PTPRK: variants seen among roughly 807,000 people sequenced by gnomAD.
PTPRK encodes protein tyrosine phosphatase receptor type K, also known as receptor-type tyrosine-protein phosphatase kappa.
PTPRK carries 75 observed loss-of-function variants against 178.0 expected under a neutral mutation model. That is an observed-to-expected ratio of 0.42 (90% confidence interval 0.35 to 0.51). PTPRK has a LOEUF of 0.51. Ranked by LOEUF, PTPRK falls within the 20% of genes least tolerant of loss-of-function variation. The pLI, the probability that PTPRK is intolerant of heterozygous loss-of-function variation, is 0.02. For missense variants in PTPRK, 1,441 were observed against 1,797.8 expected, an observed-to-expected ratio of 0.80 and a Z score of 3.59; for synonymous variants, 637 against 620.6, an observed-to-expected ratio of 1.03 and a Z score of -0.39.
At chr6:128,285,698 G>C (rs1822384880) in intron 3 of PTPRK, among the ~76,000 whole-genome samples, 1 of 151,740 alleles carries the variant, frequency 6.6e-6, no homozygotes, top group Non-Finnish European at 1.5e-5. Flanking sequence ...CCAGCTGCTT[G>C]GGAGGCTGAG....
chr6:128,284,291 C>T (rs947186472), intron 3 of PTPRK, among the ~76,000 whole-genome samples: 13 of 152,202 alleles, frequency 8.5e-5, no homozygotes, highest in Non-Finnish European at 1.8e-4. Flanking sequence ...GCCTTTCATC[C>T]TGGTCATCTT....
chr6:128,415,540 C>G (rs1220378365), intron 1 of PTPRK, among the ~76,000 whole-genome samples: 1 of 151,564 alleles, frequency 6.6e-6, no homozygotes, highest in African/African-American at 2.4e-5. Flanking sequence ...CAAATCACTT[C>G]CACAAAGCCC....
chr6:128,277,221 G>A (rs530200392), intron 3 of PTPRK, among the ~76,000 whole-genome samples: 1 of 152,192 alleles, frequency 6.6e-6, no homozygotes, highest in African/African-American at 2.4e-5. Flanking sequence ...TTGGAGCTAA[G>A]CTTATAAAAA....
chr6:127,986,366 G>A (rs1477743480), intron 21 of PTPRK, among the ~76,000 whole-genome samples: 1 of 152,132 alleles, frequency 6.6e-6, no homozygotes, highest in African/African-American at 2.4e-5. Context: ...CCAGGACAGT[G>A]CTGCTCTAGA....
intron 7 of PTPRK, among the ~76,000 whole-genome samples, chr6:128,133,717 CTTT>C (rs76203097): frequency 7.0e-6 from 1 of 142,926 alleles, no homozygotes. Context: ...TAAAGAAAGG[CTTT>C]TTTTTTTTTT....
At chr6:128,439,938 T>G (rs926126771) in intron 1 of PTPRK, among the ~76,000 whole-genome samples, 1 of 152,234 alleles carries the variant, frequency 6.6e-6, no homozygotes, top group African/African-American at 2.4e-5. Context: ...TTCTTTGAGT[T>G]AGCTGCCTGT....
At chr6:128,168,801 C>A (rs1799789719) in intron 7 of PTPRK, among the ~76,000 whole-genome samples, 1 of 152,044 alleles carries the variant, frequency 6.6e-6, no homozygotes, top group African/African-American at 2.4e-5. Context: ...CGCTGCACTA[C>A]AGCATTATTC....
intron 7 of PTPRK, among the ~76,000 whole-genome samples, chr6:128,175,769 TA>T (rs1332831512): frequency 6.6e-6 from 1 of 151,794 alleles, no homozygotes; most frequent in South Asian, 2.1e-4. Context: ...ATACATAATT[TA>T]AAAAAATAAT....
Position 128,444,620 on chromosome 6 carries a change from A to G in PTPRK, c.101-46932T>C, listed in dbSNP as rs1160576619. On this transcript the variant is annotated intron_variant, in intron 1 of 29. Transcript: ENST00000368226. ...TTAACAGGCTCAAAGAGAGGTCAGG[A>G]CTGGAGTAACAAATTTAGAGTAATG... Among the ~76,000 whole-genome samples, 5 of 152,302 alleles carry G rather than the reference A, an allele frequency of 3.3e-5. No individual in the cohort carries two copies. In the South Asian group the frequency reaches 1.0e-3, roughly 32 times the overall value.
intron 3 of PTPRK, among the ~76,000 whole-genome samples, chr6:128,268,690 C>T (rs759171389): frequency 6.6e-6 from 1 of 151,994 alleles, no homozygotes; most frequent in Non-Finnish European, 1.5e-5. Context: ...CAGAATGGCT[C>T]TAATAAAATT....
At chr6:128,171,277 A>T (rs1270480400) in intron 7 of PTPRK, among the ~76,000 whole-genome samples, 1 of 152,064 alleles carries the variant, frequency 6.6e-6, no homozygotes, top group Non-Finnish European at 1.5e-5. Flanking sequence ...GCCAGAAATG[A>T]TGCAGTATTT....
chr6:128,118,221 G>T (rs1200056073), intron 7 of PTPRK, among the ~76,000 whole-genome samples: 1 of 152,130 alleles, frequency 6.6e-6, no homozygotes, highest in Non-Finnish European at 1.5e-5. Flanking sequence ...GGGATCTATA[G>T]CATGATTTGC....
chr6:128,102,248 C>G (rs904664798), intron 7 of PTPRK, among the ~76,000 whole-genome samples: 2 of 152,184 alleles, frequency 1.3e-5, no homozygotes, highest in African/African-American at 4.8e-5. Context: ...CAAGAAATTA[C>G]AGAGGCCAGA....
intron 2 of PTPRK, among the ~76,000 whole-genome samples, chr6:128,375,079 T>TATTATTATC (rs1167154813): frequency 6.8e-6 from 1 of 147,112 alleles, no homozygotes; most frequent in Non-Finnish European, 1.5e-5. Flanking sequence ...TTATTATTAT[T>TATTATTATC]ATTATTATTA....
intron 2 of PTPRK, among the ~76,000 whole-genome samples, chr6:128,372,999 A>G (rs1310372930): frequency 6.6e-6 from 1 of 152,154 alleles, no homozygotes; most frequent in African/African-American, 2.4e-5. Flanking sequence ...TTTTAAAAAA[A>G]AAAAAAAATG....
At position 128,027,554 on chromosome 6, in the gene PTPRK, T is replaced by C. The variant is rs115885517; in HGVS notation, c.2195-18286A>G. 9.2e-4 allele frequency among the ~76,000 whole-genome samples: 140 copies of C among 152,232 alleles called. 1 individual carries two copies. Among genetic ancestry groups the C allele is most frequent in the African/African-American group, 3.3e-3 (137 of 41,558 alleles). On this transcript the variant is annotated intron_variant, in intron 13 of 29. Coordinates refer to ENST00000368226, the MANE Select transcript of PTPRK (RefSeq NM_002844.4). Reference sequence around the variant, plus strand: ...TTCTAAATGCCAAACTCTTTTAATATATTATTTCAATTAGCTTTCACAAGC... The same window carrying C: ...TTCTAAATGCCAAACTCTTTTAATACATTATTTCAATTAGCTTTCACAAGC...
At chr6:128,198,216 CTTA>C (rs1376008353) in intron 6 of PTPRK, among the ~76,000 whole-genome samples, 5 of 152,202 alleles carry the variant, frequency 3.3e-5, no homozygotes, top group African/African-American at 9.6e-5. Context: ...AACTCTATGT[CTTA>C]TTAAGACAGC....
At chr6:128,278,801 A>C (rs1181079132) in intron 3 of PTPRK, among the ~76,000 whole-genome samples, 1 of 152,218 alleles carries the variant, frequency 6.6e-6, no homozygotes, top group African/African-American at 2.4e-5. Flanking sequence ...AAAAATTCTT[A>C]ACAGGCTATG....
chr6:127,972,184 A>C (rs118122658), intron 29 of PTPRK, among the ~76,000 whole-genome samples: 1 of 152,298 alleles, frequency 6.6e-6, no homozygotes, highest in East Asian at 1.9e-4. Flanking sequence ...GTGGTGAAAT[A>C]CTTTAAAGGT....
Sources: gnomAD v4.1 joint callset for allele counts (sites outside exome capture counted in the v4.1 genomes callset) on GRCh38, gnomAD v4.1.1 for gene constraint, MANE v1.5 for transcripts, NCBI Gene and HGNC (gene_info 2026-07-23, HGNC 2026-07-21) for gene names.